DCC: variants seen among roughly 807,000 people sequenced by gnomAD.
DCC encodes the protein DCC netrin 1 receptor.
Under a neutral mutation model 172.5 loss-of-function variants are expected in DCC, and 58 were observed. That is an observed-to-expected ratio of 0.34 (90% CI 0.27 to 0.42). DCC has a LOEUF of 0.42. DCC is among the 10% of genes least tolerant of loss of function. The pLI, the probability that DCC is intolerant of heterozygous loss-of-function variation, is 1.00. For synonymous variants in DCC, 709 were observed against 644.5 expected, an observed-to-expected ratio of 1.10 and a Z score of -1.52; for missense variants, 1,740 against 1,791.0, an observed-to-expected ratio of 0.97 and a Z score of 0.51.
rs1282748293 is a variant in DCC, at chr18:52,497,285, A to ATGTG, written c.91+156408_91+156409insGTGT. Among the ~76,000 whole-genome samples the ATGTG allele has an allele frequency of 5.0e-4, 14 of 28,262 alleles. 1 individual carries two copies. The highest frequency in any genetic ancestry group is 1.3e-3 in the African/African-American group (10 of 7,976). The allele number at this position is 28,262 out of a possible 152,430, so 18.5% of individuals were successfully genotyped here. A position where few individuals can be genotyped will look rare whatever the true frequency, so the allele number is the denominator to read the frequency against. On this transcript the variant is annotated intron_variant, in intron 1 of 28. Transcript: ENST00000442544. Reference sequence around the variant, plus strand: ...CAAAAAAAAAAAAAAAAAAAAATATATATATATATATATATATATATATAT... The same window carrying ATGTG: ...CAAAAAAAAAAAAAAAAAAAAATATATGTGTATATATATATATATATATATATAT...
Position 53,426,262 on chromosome 18 carries a change from T to C in DCC, c.3164-8882T>C, listed in dbSNP as rs928835726. Among the ~76,000 whole-genome samples, 4 of 144,284 alleles carry C rather than the reference T, an allele frequency of 2.8e-5. No homozygotes were observed. In the South Asian group the frequency reaches 6.3e-4, roughly 23 times the overall value. 94.7% of individuals were successfully genotyped at this position (144,284 alleles called of 152,430 possible). A position where few individuals can be genotyped will look rare whatever the true frequency, so the allele number is the denominator to read the frequency against. On this transcript the variant is annotated intron_variant, in intron 21 of 28. Coordinates refer to ENST00000442544, the MANE Select transcript of DCC (RefSeq NM_005215.4). ...GTGTATTTATATATTTATATATAAA[T>C]ACATATATATTTATATATTACATAT...
At chr18:53,466,069 G>A (rs553682055) in intron 24 of DCC, among the ~76,000 whole-genome samples, 15 of 152,168 alleles carry the variant, frequency 9.9e-5, no homozygotes, top group Admixed American at 7.9e-4. Context: ...CAGCCAAAGC[G>A]ATGCTTTTCT....
chr18:52,466,730 G>T (rs1230848993), intron 1 of DCC, among the ~76,000 whole-genome samples: 5 of 152,068 alleles, frequency 3.3e-5, no homozygotes, highest in African/African-American at 1.2e-4. Context: ...TTTTCTGCAG[G>T]TTTCAAATTA....
At chr18:52,876,492 T>C (rs1424934884) in intron 2 of DCC, among the ~76,000 whole-genome samples, 2 of 152,250 alleles carry the variant, frequency 1.3e-5, no homozygotes, top group Non-Finnish European at 2.9e-5. Flanking sequence ...AAGCCTTGTA[T>C]TTACATTGGA....
At chr18:52,442,711 T>G (rs1015709037) in intron 1 of DCC, among the ~76,000 whole-genome samples, 1 of 152,194 alleles carries the variant, frequency 6.6e-6, no homozygotes, top group Non-Finnish European at 1.5e-5. Context: ...GCCAAAACAT[T>G]TGTAGATTTT....
chr18:52,599,140 G>C (rs550201112), intron 1 of DCC, among the ~76,000 whole-genome samples: 17 of 152,268 alleles, frequency 1.1e-4, no homozygotes, highest in African/African-American at 4.1e-4. Flanking sequence ...CATTAGAGGA[G>C]AGAAATACTG....
intron 5 of DCC, among the ~76,000 whole-genome samples, chr18:52,964,227 T>C (rs749065702): frequency 1.1e-4 from 17 of 152,180 alleles, no homozygotes; most frequent in Non-Finnish European, 2.2e-4. Context: ...GTTATGATTG[T>C]AATTTAATTC....
At chr18:53,203,474 C>T (rs923262270) in intron 9 of DCC, among the ~76,000 whole-genome samples, 4 of 152,038 alleles carry the variant, frequency 2.6e-5, no homozygotes, top group Admixed American at 6.6e-5. Context: ...CTCAAGGTTC[C>T]AGGACTGATG....
intron 1 of DCC, among the ~76,000 whole-genome samples, chr18:52,352,749 T>G (rs1201563158): frequency 6.6e-6 from 1 of 152,216 alleles, no homozygotes; most frequent in Non-Finnish European, 1.5e-5. Context: ...ATCTCGGAGA[T>G]GTATTCCAGG....
intron 1 of DCC, among the ~76,000 whole-genome samples, chr18:52,745,572 T>C (rs546687764): frequency 2.0e-5 from 3 of 152,172 alleles, no homozygotes; most frequent in African/African-American, 4.8e-5. Flanking sequence ...ATGTATACAA[T>C]GTTTGGTGAT....
At chr18:52,822,928 G>A (rs1229340930) in intron 2 of DCC, among the ~76,000 whole-genome samples, 21 of 149,840 alleles carry the variant, frequency 1.4e-4, no homozygotes, top group Non-Finnish European at 3.0e-5. Context: ...TATTTAAGAA[G>A]TGGTATTTTT....
chr18:52,671,201 A>G (rs986917050), intron 1 of DCC, among the ~76,000 whole-genome samples: 2 of 152,182 alleles, frequency 1.3e-5, no homozygotes, highest in African/African-American at 4.8e-5. Context: ...AATCCAAGAC[A>G]ATGGATTTTG....
At chr18:52,705,503 C>T (rs2036192734) in intron 1 of DCC, among the ~76,000 whole-genome samples, 2 of 152,166 alleles carry the variant, frequency 1.3e-5, no homozygotes, top group South Asian at 2.1e-4. Context: ...GATACACATG[C>T]TGGTAGTCTT....
At chr18:53,147,006 G>A (rs867430528) in intron 7 of DCC, among the ~76,000 whole-genome samples, 8 of 152,110 alleles carry the variant, frequency 5.3e-5, no homozygotes, top group Middle Eastern at 3.4e-3. Context: ...TCTATTTAGA[G>A]TGACCAGGGG....
Position 52,906,232 on chromosome 18 carries a change from C to A in DCC, c.601C>A (p.Arg201=), listed in dbSNP as rs2229080. 11 of 1,613,616 alleles carry A rather than the reference C, an allele frequency of 6.8e-6. No homozygotes were observed. The highest frequency in any genetic ancestry group is 6.7e-5 in the African/African-American group (5 of 74,788). Residue 201 remains arginine, a synonymous_variant, in exon 3 of 29, where the codon CGA becomes AGA. Transcript: ENST00000442544. ...GCCCTCTGGAGCATTGCAGATCAGC[C>A]GACTCCAACCGGGGGACATTGGAAT... ...VLPSGALQIS[R]LQPGDIGIYR...
At chr18:52,933,150 T>C (rs184838853) in intron 5 of DCC, among the ~76,000 whole-genome samples, 9 of 152,202 alleles carry the variant, frequency 5.9e-5, no homozygotes, top group African/African-American at 2.2e-4. Context: ...CTAATGAATA[T>C]AGTTTCTAGT....
intron 1 of DCC, among the ~76,000 whole-genome samples, chr18:52,732,896 T>C (rs996190198): frequency 1.3e-5 from 2 of 152,192 alleles, no homozygotes; most frequent in African/African-American, 4.8e-5. Context: ...ATCTAGTAGT[T>C]ACGTTCATGC....
chr18:52,634,404 G>A (rs566527934), intron 1 of DCC, among the ~76,000 whole-genome samples: 1 of 152,224 alleles, frequency 6.6e-6, no homozygotes, highest in South Asian at 2.1e-4. Flanking sequence ...TACCAAAGTA[G>A]TATCACATTA....
In DCC at chr18:52,871,712, C is replaced by T. The variant is rs546690616; in HGVS notation, c.413-34332C>T. On this transcript the variant is annotated intron_variant, in intron 2 of 28. Coordinates refer to ENST00000442544, the MANE Select transcript of DCC (RefSeq NM_005215.4). The stretch of plus-strand genomic sequence containing the variant: ...TCAAGCAGTCATCCTACCTTGACCT[C>T]CCAAAGTGGTGACCCTCTTTGTGAC... Among the ~76,000 whole-genome samples the T allele has an allele frequency of 8.5e-5, 13 of 152,194 alleles. No individual in the cohort carries two copies. The South Asian group carries it at 1.2e-3, about 15-fold the overall frequency.
Sources: gnomAD v4.1 joint callset for allele counts (sites outside exome capture counted in the v4.1 genomes callset) on GRCh38, gnomAD v4.1.1 for gene constraint, MANE v1.5 for transcripts, NCBI Gene and HGNC (gene_info 2026-07-23, HGNC 2026-07-21) for gene names.